The following KDM4C variants were observed in gnomAD, a reference collection of about 807,000 sequenced individuals.
The protein encoded by KDM4C is lysine demethylase 4C, also known as lysine-specific demethylase 4C.
Under a neutral mutation model 129.3 loss-of-function variants are expected in KDM4C, and 81 were observed. The ratio of observed to expected loss-of-function variants is 0.63; its 90% CI spans 0.52 to 0.75. The LOEUF (loss-of-function observed/expected upper bound fraction) is 0.75, where lower values mean the gene tolerates loss of function less well. KDM4C is among the 30% of genes least tolerant of loss of function. The pLI, the probability that KDM4C is intolerant of heterozygous loss-of-function variation, is 0.00. For missense variants in KDM4C, 1,457 were observed against 1,304.0 expected (o/e 1.12, Z -1.81); for synonymous variants, 573 against 456.1 (o/e 1.26, Z -3.26).
chr9:6,912,008 A>G (rs544503302), intron 8 of KDM4C, among the ~76,000 whole-genome samples: 47 of 152,308 alleles, frequency 3.1e-4, no homozygotes, highest in African/African-American at 1.1e-3. Context: ...ACCCAGTGCC[A>G]AAACTAGATG....
At chr9:7,004,481 A>T (rs1300622155) in intron 12 of KDM4C, among the ~76,000 whole-genome samples, 1 of 152,206 alleles carries the variant, frequency 6.6e-6, no homozygotes, top group Non-Finnish European at 1.5e-5. Context: ...TTTATTGATT[A>T]TATTATATTC....
chr9:6,804,486 G>A (rs577333968), intron 2 of KDM4C, among the ~76,000 whole-genome samples: 5 of 152,204 alleles, frequency 3.3e-5, no homozygotes, highest in African/African-American at 7.2e-5. Flanking sequence ...TTGGCCGGGC[G>A]TGGTGGCTCA....
At chr9:6,880,522 GTTC>G (rs1279229573) in intron 6 of KDM4C, among the ~76,000 whole-genome samples, 1 of 152,056 alleles carries the variant, frequency 6.6e-6, no homozygotes, top group African/African-American at 2.4e-5. Context: ...CCGACGCCCA[GTTC>G]TTCTGTGGCC....
At chr9:7,055,954 T>G (rs889367348) in intron 17 of KDM4C, among the ~76,000 whole-genome samples, 13 of 152,184 alleles carry the variant, frequency 8.5e-5, no homozygotes, top group African/African-American at 2.9e-4. Flanking sequence ...TTATCTTTCA[T>G]CATGCTAAAA....
chr9:7,169,049 T>TA (rs77258477), intron 20 of KDM4C, among the ~76,000 whole-genome samples: 74,418 of 127,924 alleles, frequency 0.58, 21,342 homozygotes, highest in East Asian at 0.61. Flanking sequence ...TGTCTCAATT[T>TA]AAAAAAAAAA....
intron 19 of KDM4C, among the ~76,000 whole-genome samples, chr9:7,140,177 C>T (rs1336284513): frequency 6.6e-6 from 1 of 152,030 alleles, no homozygotes; most frequent in Non-Finnish European, 1.5e-5. Flanking sequence ...ATTAGTTTAG[C>T]GAGACAGTTA....
In KDM4C at chr9:6,845,770, T is replaced by C. The variant is rs138757977; in HGVS notation, c.436-3737T>C. 3.0e-3 allele frequency among the ~76,000 whole-genome samples: 462 copies of C among 152,250 alleles called. 4 individuals carry two copies. The highest frequency in any genetic ancestry group is 0.011 in the African/African-American group (441 of 41,538). The stretch of plus-strand genomic sequence containing the variant: ...CAGGCTTAGGACTCCAGTTAGTCCA[T>C]TGGAAGTCAGGTGAGTTATGAATAT... On this transcript the variant is annotated intron_variant, in intron 4 of 21. Coordinates refer to ENST00000381309, the MANE Select transcript of KDM4C (RefSeq NM_015061.6).
chr9:6,982,666 A>G (rs1816970522), intron 9 of KDM4C: 1 of 152,226 alleles, frequency 6.6e-6, no homozygotes, highest in Non-Finnish European at 1.5e-5. Context: ...GCAGTATCCA[A>G]TCCTGAGTTC....
intron 1 of KDM4C, among the ~76,000 whole-genome samples, chr9:6,725,717 T>C (rs1448733157): frequency 6.7e-6 from 1 of 148,524 alleles, no homozygotes; most frequent in Non-Finnish European, 1.5e-5. Context: ...TTTTCTTTTT[T>C]TTTTTTTTTT....
In KDM4C at chr9:6,729,846, A is replaced by C. The variant is rs913395426; in HGVS notation, c.49+8849A>C. Reference sequence around the variant, plus strand: ...TTCCTTAGGCCGGGCATGGTGGCTTATGCCTATAATCCCAGCACTTTGGGA... The same window carrying C: ...TTCCTTAGGCCGGGCATGGTGGCTTCTGCCTATAATCCCAGCACTTTGGGA... On this transcript the variant is annotated intron_variant, in intron 1 of 17. Coordinates refer to the KDM4C transcript ENST00000536108. 6.2e-4 allele frequency among the ~76,000 whole-genome samples: 84 copies of C among 134,656 alleles called. 29 individuals carry two copies. The highest frequency in any genetic ancestry group is 2.3e-3 in the African/African-American group (74 of 31,758). 88.3% of individuals were successfully genotyped at this position (134,656 alleles called of 152,430 possible).
chr9:7,055,390 T>C (rs1049771077), intron 17 of KDM4C, among the ~76,000 whole-genome samples: 4 of 152,220 alleles, frequency 2.6e-5, no homozygotes, highest in African/African-American at 7.2e-5. Context: ...CTCTGATTTG[T>C]GTTTGACAAG....
chr9:6,978,079 C>T (rs186328582), intron 8 of KDM4C, among the ~76,000 whole-genome samples: 1 of 152,162 alleles, frequency 6.6e-6, no homozygotes, highest in African/African-American at 2.4e-5. Context: ...CAACATTCTA[C>T]AAGAACAAAA....
chr9:6,755,566 T>A (rs1194679815), upstream of KDM4C, among the ~76,000 whole-genome samples: 1 of 151,992 alleles, frequency 6.6e-6, no homozygotes, highest in Non-Finnish European at 1.5e-5. Context: ...AACAAATAAA[T>A]AAAATAAAAT....
chr9:7,034,057 C>G (rs1374642821), intron 15 of KDM4C, among the ~76,000 whole-genome samples: 4 of 151,246 alleles, frequency 2.6e-5, no homozygotes, highest in Non-Finnish European at 5.9e-5. Context: ...GTCTCTCAAT[C>G]TGATTGTTGC....
chr9:6,833,461 C>G (rs555209204), intron 4 of KDM4C, among the ~76,000 whole-genome samples: 1 of 152,062 alleles, frequency 6.6e-6, no homozygotes, highest in Non-Finnish European at 1.5e-5. Context: ...ACTGGTTTAT[C>G]GTTTGGCCAC....
chr9:7,118,111 G>A (rs994455966), intron 18 of KDM4C, among the ~76,000 whole-genome samples: 7 of 152,278 alleles, frequency 4.6e-5, no homozygotes, highest in African/African-American at 1.7e-4. Flanking sequence ...TCATGATTCA[G>A]ATGGAAAAAA....
intron 17 of KDM4C, 70 bp downstream of exon 17, chr9:7,049,270 T>C: frequency 1.3e-6 from 1 of 758,994 alleles, no homozygotes; most frequent in South Asian, 1.7e-5. Flanking sequence ...TTTCCATTAA[T>C]GCACACATTC....
chr9:7,031,303 C>T (rs752933162), intron 15 of KDM4C, among the ~76,000 whole-genome samples: 51 of 151,992 alleles, frequency 3.4e-4, no homozygotes, highest in Non-Finnish European at 7.2e-4. Context: ...GCTGGGATTA[C>T]AGGTGCACAC....
intron 8 of KDM4C, among the ~76,000 whole-genome samples, chr9:6,960,192 T>C (rs931102948): frequency 6.6e-6 from 1 of 152,098 alleles, no homozygotes; most frequent in Non-Finnish European, 1.5e-5. Flanking sequence ...AGTCCTGATA[T>C]TTATTACAGA....
Sources: allele counts gnomAD v4.1 joint callset (sites outside exome capture counted in the v4.1 genomes callset), GRCh38; gene constraint gnomAD v4.1.1; transcripts MANE v1.5; gene names NCBI Gene and HGNC (gene_info 2026-07-23, HGNC 2026-07-21).